CHADL: variants seen among roughly 807,000 people sequenced by gnomAD.
CHADL encodes chondroadherin like.
CHADL carries 48 observed loss-of-function variants against 52.1 expected under a neutral mutation model. The ratio of observed to expected loss-of-function variants is 0.92; its 90% confidence interval spans 0.73 to 1.17. The LOEUF is 1.17. Ranked by LOEUF, CHADL falls within the 50% of genes most tolerant of loss-of-function variation. The pLI is 0.00. For synonymous variants in CHADL, 498 were observed against 511.2 expected, an observed-to-expected ratio of 0.97 and a Z score of 0.35; for missense variants, 977 against 1,035.1, an observed-to-expected ratio of 0.94 and a Z score of 0.77.
At chr22:41,232,234 A>G (rs1439395022) in intron 5 of CHADL, among the ~76,000 whole-genome samples, 1 of 151,770 alleles carries the variant, frequency 6.6e-6, no homozygotes, top group East Asian at 1.9e-4. Flanking sequence ...CGGGAGGCTG[A>G]GGCAGGAGAA....
rs1404729269 is a variant in CHADL at position 41,235,214 on chromosome 22, C to T, written c.2193G>A (p.Lys731=). The stretch of plus-strand genomic sequence containing the variant: ...CACTGGGCCTGGAGGCTGGTGTCCG[C>T]TTGGCCTTTCTGGCAGCCCAGCCCG... The part of the protein sequence containing the change: ...DCPGWAARKA[K]RTPASRPSAR... The change falls in exon 5 of 6, where the codon AAG becomes AAA. Residue 731 remains lysine, a synonymous_variant. Transcript: ENST00000216241. 2.6e-6 allele frequency: 4 copies of T among 1,551,410 alleles called. No homozygotes were observed. The highest frequency in any genetic ancestry group is 2.6e-6 in the Non-Finnish European group (3 of 1,147,020).
Position 41,237,466 on chromosome 22 carries a change from G to C in CHADL, c.1606C>G (p.Leu536Val). The change falls in exon 3 of 6, where the codon CTG becomes GTG. Residue 536 changes from leucine (L) to valine (V), a missense_variant. Physicochemically the swap from Leu to Val is conservative, Grantham distance 32. Transcript: ENST00000216241. ...LHLQDNAVDR[L>V]APGDLGRTRA... ...GTTCTCCCCAGGTCCCCAGGTGCCA[G>C]GCGGTCCACAGCGTTGTCCTGCAGG... 6.4e-7 allele frequency: 1 copy of C among 1,550,528 alleles called. No individual in the cohort carries two copies. Among genetic ancestry groups the C allele is most frequent in the South Asian group, 1.2e-5 (1 of 84,070 alleles).
Position 41,237,879 on chromosome 22 carries a change from C to G in CHADL, c.1193G>C (p.Arg398Pro), listed in dbSNP as rs989104807. ...GEERAVAPCP[R>P]ACVCVPESRH... ...GGACTCGGGGACGCACACGCAGGCGCGAGGGCAAGGCGCGACTGCCCGCTC... is the reference window on the plus strand; with the variant it reads ...GGACTCGGGGACGCACACGCAGGCGGGAGGGCAAGGCGCGACTGCCCGCTC... The change falls in exon 3 of 6, where the codon CGC becomes CCC. Residue 398 changes from arginine (R) to proline (P), a missense_variant. By Grantham distance (103) the Arg-to-Pro change is moderately radical. Transcript: ENST00000216241. The G allele has an allele frequency of 7.9e-7, 1 of 1,259,348 alleles. No individual in the cohort carries two copies. The highest frequency in any genetic ancestry group is 1.0e-6 in the Non-Finnish European group (1 of 994,190). 78.0% of individuals were successfully genotyped at this position (1,259,348 alleles called of 1,614,324 possible).
At chr22:41,236,456 G>A (rs1040467585) in intron 4 of CHADL, 28 bp downstream of exon 4, 4 of 1,542,802 alleles carry the variant, frequency 2.6e-6, no homozygotes, top group Non-Finnish European at 3.5e-6. Context: ...GGTGGTCTTT[G>A]GCTGGAGGTC....
chr22:41,231,523 A>T (rs139483), intron 5 of CHADL, among the ~76,000 whole-genome samples: 1 of 152,186 alleles, frequency 6.6e-6, no homozygotes, highest in Admixed American at 6.5e-5. Flanking sequence ...AGCACCTGGC[A>T]TAGGCTGGCA....
At chr22:41,235,392 G>A in intron 4 of CHADL, 49 bp from the exon 5 acceptor site, 1 of 1,491,606 alleles carries the variant, frequency 6.7e-7, no homozygotes, top group South Asian at 1.2e-5. Flanking sequence ...TTCTGCTCCA[G>A]TGGCCTGGAG....
At chr22:41,234,241 C>A (rs970195807) in intron 5 of CHADL, among the ~76,000 whole-genome samples, 6 of 152,134 alleles carry the variant, frequency 3.9e-5, no homozygotes, top group Non-Finnish European at 8.8e-5. Flanking sequence ...TCTGGACCAG[C>A]ACAGTGTGGC....
At position 41,237,319 on chromosome 22, in the gene CHADL, G is replaced by A. The variant is rs1339328460; in HGVS notation, c.1753C>T (p.Pro585Ser). Residue 585 changes from proline (P) to serine (S), a missense_variant, in exon 3 of 6, where the codon CCC (proline) becomes TCC (serine). Coordinates refer to ENST00000216241, the MANE Select transcript of CHADL (RefSeq NM_138481.2). ...GGCAGCCCCTCCAAGGCCCCAGTGG[G>A]CACCTCTCGCAGCTGATTCCTGTCC... ...HLDRNQLREV[P>S]TGALEGLPAL... The A allele has an allele frequency of 6.4e-7, 1 of 1,550,670 alleles. No homozygotes were observed. The highest frequency in any genetic ancestry group is 2.4e-5 in the East Asian group (1 of 40,924).
Position 41,238,302 on chromosome 22 carries a change from C to A in CHADL, c.770G>T (p.Arg257Leu). 4 of 1,528,276 alleles carry A rather than the reference C, an allele frequency of 2.6e-6. No individual in the cohort carries two copies. Among genetic ancestry groups the A allele is most frequent in the Non-Finnish European group, 3.5e-6 (4 of 1,143,758 alleles). The allele number at this position is 1,528,276 out of a possible 1,614,324, so 94.7% of individuals were successfully genotyped here. A position where few individuals can be genotyped will look rare whatever the true frequency, so the allele number is the denominator to read the frequency against. The change falls in exon 3 of 6, where the codon CGG becomes CTG. Residue 257 changes from arginine to leucine, a missense_variant. Arg to Leu is a moderately radical substitution (Grantham distance 102). Coordinates refer to ENST00000216241, the MANE Select transcript of CHADL (RefSeq NM_138481.2). The surrounding 1 kb of genome is among the most constrained non-coding windows in gnomAD (Gnocchi z 4.9). ...EEDGLALPGLRELLLDGGALQ... is the reference protein window; with the variant it reads ...EEDGLALPGLLELLLDGGALQ... ...GGCCCCGCCGTCCAGCAGCAGCTCC[C>A]GCAGGCCGGGCAGCGCCAGCCCGTC...
At position 41,236,622 on chromosome 22, in the gene CHADL, C is replaced by T; in HGVS notation, c.1925G>A (p.Gly642Glu). Residue 642 changes from glycine (G) to glutamate (E), a missense_variant, in exon 4 of 6, where the codon GGG becomes GAG. By Grantham distance (98) the Gly-to-Glu change is moderately conservative. Transcript: ENST00000216241. ...CAGGTGCAGGCTCTGGAGCCCGGGC[C>T]CCAGGCCTGAAAAGGCCCCAGGACA... ...QICPGAFSGL[G>E]PGLQSLHLQK... 2 of 1,550,016 alleles carry T rather than the reference C, an allele frequency of 1.3e-6. No homozygotes were observed. The highest frequency in any genetic ancestry group is 8.7e-7 in the Non-Finnish European group (1 of 1,146,902).
At position 41,238,146 on chromosome 22, in the gene CHADL, C is replaced by A; in HGVS notation, c.926G>T (p.Gly309Val). 1 of 1,446,094 alleles carries A rather than the reference C, an allele frequency of 6.9e-7. No individual in the cohort carries two copies. Among genetic ancestry groups the A allele is most frequent in the Non-Finnish European group, 9.0e-7 (1 of 1,106,982 alleles). The allele number at this position is 1,446,094 out of a possible 1,614,324, so 89.6% of individuals were successfully genotyped here. A position where few individuals can be genotyped will look rare whatever the true frequency, so the allele number is the denominator to read the frequency against. The change falls in exon 3 of 6, where the codon GGG (glycine) becomes GTG (valine). Residue 309 changes from glycine to valine, a missense_variant. Transcript: ENST00000216241. This position sits in a 1 kb window ranked among gnomAD's most constrained non-coding sequence, Gnocchi z 4.9. Reference protein sequence around the residue: ...PGQLRRLRLQGNPLWCGCQAR... With the variant: ...PGQLRRLRLQVNPLWCGCQAR... ...CTGGCAGCCGCACCACAGCGGATTC[C>A]CCTGCAGCCGCAGCCGGCGCAGCTG...
In CHADL at chr22:41,237,935, A is replaced by AGGGGCGCGGG; in HGVS notation, c.1127_1136dup (p.Gly382ProfsTer116). On this transcript the variant is annotated frameshift_variant, in exon 3 of 6. Coordinates refer to ENST00000216241, the MANE Select transcript of CHADL (RefSeq NM_138481.2). LOFTEE classifies it high-confidence loss of function. ...CGGGGCCGCGCGGAGGGCCGCGCGG[A>AGGGGCGCGGG]GGGGCGCGGGGCCCGGCCACAGCCC... 5.5e-6 allele frequency: 7 copies of AGGGGCGCGGG among 1,270,798 alleles called. No individual in the cohort carries two copies. Among genetic ancestry groups the AGGGGCGCGGG allele is most frequent in the Non-Finnish European group, 5.9e-6 (6 of 1,013,844 alleles). 78.7% of individuals were successfully genotyped at this position (1,270,798 alleles called of 1,614,324 possible). A position where few individuals can be genotyped will look rare whatever the true frequency, so the allele number is the denominator to read the frequency against.
In CHADL at chr22:41,238,798, C is replaced by T. The variant is rs1187561520; in HGVS notation, c.274G>A (p.Asp92Asn). ...AGCTCCACCTCGCAGTGGCGCAGGTCCAGGTGTGTGAGGTGAGGCACGCCC... is the reference window on the plus strand; with the variant it reads ...AGCTCCACCTCGCAGTGGCGCAGGTTCAGGTGTGTGAGGTGAGGCACGCCC... ...FQGVPHLTHL[D>N]LRHCEVELVA... is the part of the protein sequence containing the mutation. Residue 92 changes from aspartate to asparagine, a missense_variant, in exon 3 of 6, where the codon GAC becomes AAC. Physicochemically the swap from Asp to Asn is conservative, Grantham distance 23. Coordinates refer to ENST00000216241, the MANE Select transcript of CHADL (RefSeq NM_138481.2). This position sits in a 1 kb window ranked among gnomAD's most constrained non-coding sequence, Gnocchi z 4.9. 1.3e-6 allele frequency: 2 copies of T among 1,549,638 alleles called. No individual in the cohort carries two copies. Among genetic ancestry groups the T allele is most frequent in the East Asian group, 2.4e-5 (1 of 40,926 alleles).
In CHADL at chr22:41,238,145, C is replaced by T; in HGVS notation, c.927G>A (p.Gly309=). 6.9e-7 allele frequency: 1 copy of T among 1,443,412 alleles called. No homozygotes were observed. The highest frequency in any genetic ancestry group is 9.0e-7 in the Non-Finnish European group (1 of 1,105,676). 89.4% of individuals were successfully genotyped at this position (1,443,412 alleles called of 1,614,324 possible). The change falls in exon 3 of 6, where the codon GGG becomes GGA. Residue 309 remains glycine (G), a synonymous_variant. Coordinates refer to ENST00000216241, the MANE Select transcript of CHADL (RefSeq NM_138481.2). The surrounding 1 kb of genome is among the most constrained non-coding windows in gnomAD (Gnocchi z 4.9). The part of the protein sequence containing the change: ...PGQLRRLRLQ[G]NPLWCGCQAR... Reference sequence around the variant, plus strand: ...CCTGGCAGCCGCACCACAGCGGATTCCCCTGCAGCCGCAGCCGGCGCAGCT... The same window carrying T: ...CCTGGCAGCCGCACCACAGCGGATTTCCCTGCAGCCGCAGCCGGCGCAGCT...
chr22:41,230,683 G>GCT (rs1569156048), intron 5 of CHADL: 1 of 174,394 alleles, frequency 5.7e-6, no homozygotes, highest in Non-Finnish European at 1.2e-5. Flanking sequence ...TTCTAGAGCA[G>GCT]CTCTCTGAGC....
chr22:41,237,467 G>A lies in CHADL; in HGVS notation c.1605C>T (p.Arg535=). 6.4e-7 allele frequency: 1 copy of A among 1,550,514 alleles called. No individual in the cohort carries two copies. Among genetic ancestry groups the A allele is most frequent in the South Asian group, 1.2e-5 (1 of 84,066 alleles). ...SLHLQDNAVD[R]LAPGDLGRTR... ...TTCTCCCCAGGTCCCCAGGTGCCAG[G>A]CGGTCCACAGCGTTGTCCTGCAGGT... The change falls in exon 3 of 6, where the codon CGC becomes CGT. Residue 535 remains arginine (R), a synonymous_variant. Transcript: ENST00000216241.
rs8141817 is a variant in CHADL, at chr22:41,237,117, C to T, written c.1896+59G>A. On this transcript the variant is annotated intron_variant, in intron 3 of 5. Coordinates refer to ENST00000216241, the MANE Select transcript of CHADL (RefSeq NM_138481.2). ...GGCAAATGCTTGTTGAGTGAATGCA[C>T]GCTGCCTGTGGCCTTGTGCCGCCTC... 0.016 allele frequency: 23,839 copies of T among 1,461,152 alleles called. 1,854 individuals are homozygous for T. The African/African-American group carries it at 0.2, about 13-fold the overall frequency. 90.5% of individuals were successfully genotyped at this position (1,461,152 alleles called of 1,614,324 possible).
chr22:41,238,304 C>T lies in CHADL; in HGVS notation c.768G>A (p.Leu256=), dbSNP rs1422987970. Residue 256 remains leucine, a synonymous_variant, in exon 3 of 6, where the codon CTG becomes CTA. Transcript: ENST00000216241. The surrounding 1 kb of genome is among the most constrained non-coding windows in gnomAD (Gnocchi z 4.9). ...CCCCGCCGTCCAGCAGCAGCTCCCG[C>T]AGGCCGGGCAGCGCCAGCCCGTCCT... ...GEEDGLALPG[L]RELLLDGGAL... The T allele has an allele frequency of 6.5e-7, 1 of 1,527,866 alleles. No homozygotes were observed. The highest frequency in any genetic ancestry group is 1.2e-5 in the South Asian group (1 of 83,504). The allele number at this position is 1,527,866 out of a possible 1,614,324, so 94.6% of individuals were successfully genotyped here. A position where few individuals can be genotyped will look rare whatever the true frequency, so the allele number is the denominator to read the frequency against.
At chr22:41,229,751 T>C (rs2032454721) in intron 5 of CHADL, 21 bp from the exon 6 acceptor site, 2 of 1,601,794 alleles carry the variant, frequency 1.2e-6, no homozygotes, top group Non-Finnish European at 1.7e-6. Context: ...AAGAGTAGAG[T>C]CAGGTTTCTT....
Sources: allele counts gnomAD v4.1 joint callset (sites outside exome capture counted in the v4.1 genomes callset), GRCh38; gene constraint gnomAD v4.1.1; non-coding constraint Gnocchi (gnomAD v3.1); transcripts MANE v1.5; gene names NCBI Gene and HGNC (gene_info 2026-07-23, HGNC 2026-07-21).